Variants in MYH10 observed in about 807,000 individuals in gnomAD.
The protein encoded by MYH10 is myosin-10.
A neutral mutation model predicts 257.8 loss-of-function variants in MYH10; 55 were observed. The observed-to-expected ratio is 0.21, with a 90% CI of 0.17 to 0.27. MYH10 has a LOEUF of 0.27. Ranked by LOEUF, MYH10 falls within the 10% of genes least tolerant of loss-of-function variation. The pLI is 1.00. For missense variants in MYH10, 1,631 were observed against 2,500.6 expected, an observed-to-expected ratio of 0.65 and a Z score of 7.42; for synonymous variants, 854 against 921.7, an observed-to-expected ratio of 0.93 and a Z score of 1.33.
In MYH10 at chr17:8,490,135, G is replaced by C; in HGVS notation, c.4884+205C>G. 1.9e-6 allele frequency: 1 copy of C among 517,802 alleles called. No individual in the cohort carries two copies. Among genetic ancestry groups the C allele is most frequent in the East Asian group, 3.5e-5 (1 of 28,554 alleles). 32.1% of individuals were successfully genotyped at this position (517,802 alleles called of 1,614,324 possible). On this transcript the variant is annotated intron_variant, in intron 35 of 42. Transcript: ENST00000360416. This position sits in a 1 kb window ranked among gnomAD's most constrained non-coding sequence, Gnocchi z 4.1. The stretch of plus-strand genomic sequence containing the variant: ...AAGTGTCTGGCTTGTAGGCAGGAAT[G>C]ATACTGAGAAATAGTAAGACCTAAA...
intron 2 of MYH10, among the ~76,000 whole-genome samples, chr17:8,618,481 C>T (rs1294778777): frequency 7.2e-5 from 11 of 152,110 alleles, no homozygotes; most frequent in Admixed American, 2.0e-4. Flanking sequence ...TCTGGTGATC[C>T]GCCTGCCTTG....
chr17:8,547,429 T>C (rs1232331750), intron 11 of MYH10, among the ~76,000 whole-genome samples: 1 of 151,912 alleles, frequency 6.6e-6, no homozygotes, highest in Non-Finnish European at 1.5e-5. Flanking sequence ...TCAACAGCCC[T>C]AATAGGAGGT....
chr17:8,518,719 G>A lies in MYH10; in HGVS notation c.2416C>T (p.Leu806=). The A allele has an allele frequency of 6.2e-7, 1 of 1,614,158 alleles. No individual in the cohort carries two copies. The highest frequency in any genetic ancestry group is 1.3e-5 in the African/African-American group (1 of 75,058). The change falls in exon 21 of 43, where the codon CTG becomes TTG. Residue 806 remains leucine, a synonymous_variant. Transcript: ENST00000360416. ...QSKIFFRAGV[L]AHLEEERDLK... ...TCTCTTTCTTCCTCTAAGTGTGCCA[G>A]AACTCCAGCTCTGAAAAATATCTTG...
chr17:8,521,419 TCAGCA>T (rs2081651810), intron 17 of MYH10, 134 bp from the exon 18 acceptor site: 9 of 898,904 alleles, frequency 1.0e-5, no homozygotes, highest in Non-Finnish European at 1.5e-5. Context: ...GGTAAGGCAG[TCAGCA>T]TACTTAGGCA....
intron 1 of MYH10, among the ~76,000 whole-genome samples, chr17:8,627,378 A>G (rs2085724252): frequency 6.6e-6 from 1 of 152,152 alleles, no homozygotes; most frequent in Admixed American, 6.5e-5. Flanking sequence ...TCCACAACCA[A>G]AAAGCTATTA....
intron 17 of MYH10, among the ~76,000 whole-genome samples, chr17:8,522,638 T>C (rs1248240581): frequency 6.6e-6 from 1 of 152,164 alleles, no homozygotes; most frequent in African/African-American, 2.4e-5. Flanking sequence ...CATAAAATAC[T>C]GATCTTCCCT....
At position 8,569,167 on chromosome 17, in the gene MYH10, A is replaced by G. The variant is rs2083256979; in HGVS notation, c.756+553T>C. ...AGACCAGGAGTTGGTGGCTGCAGTG[A>G]GCTATGACTGTGCCACTGCACTCCA... On this transcript the variant is annotated intron_variant, in intron 7 of 42. Coordinates refer to ENST00000360416, the MANE Select transcript of MYH10 (RefSeq NM_001256012.3). The surrounding 1 kb of genome is among the most constrained non-coding windows in gnomAD (Gnocchi z 4.1). Among the ~76,000 whole-genome samples, 1 of 151,702 alleles carries G rather than the reference A, an allele frequency of 6.6e-6. No individual in the cohort carries two copies. The highest frequency in any genetic ancestry group is 6.6e-5 in the Admixed American group (1 of 15,226).
rs545240514 is a variant in MYH10, at chr17:8,477,846, A to AC, written c.5706+491_5706+492insG. Among the ~76,000 whole-genome samples the AC allele has an allele frequency of 8.3e-4, 127 of 152,332 alleles. No homozygotes were observed. The highest frequency in any genetic ancestry group is 3.0e-3 in the African/African-American group (123 of 41,564). ...TCAGGGCAGGCCTGACCCACAGTTC[A>AC]AAGTCCTGCGGAACATTCCCTGTGT... is the stretch of plus-strand genomic sequence containing the variant. On this transcript the variant is annotated intron_variant, in intron 41 of 42. Transcript: ENST00000360416. The surrounding 1 kb of genome is among the most constrained non-coding windows in gnomAD (Gnocchi z 4.2).
chr17:8,508,927 G>C (rs2081167776), intron 25 of MYH10, among the ~76,000 whole-genome samples: 1 of 152,138 alleles, frequency 6.6e-6, no homozygotes, highest in African/African-American at 2.4e-5. Flanking sequence ...TAACACCACA[G>C]TGCAATTACT....
chr17:8,544,721 T>C (rs1008712439), intron 13 of MYH10, among the ~76,000 whole-genome samples: 1 of 152,224 alleles, frequency 6.6e-6, no homozygotes, highest in African/African-American at 2.4e-5. Context: ...GAAATAAAGA[T>C]ATAAATTTTT....
rs779870716 is a variant in MYH10, at chr17:8,604,869, G to A, written c.459C>T (p.His153=). 17 of 1,606,208 alleles carry A rather than the reference G, an allele frequency of 1.1e-5. No homozygotes were observed. In the East Asian group the frequency reaches 3.6e-4, roughly 34 times the overall value. ...RGKKRHEMPP[H]IYAISESAYR... The stretch of plus-strand genomic sequence containing the variant: ...AAGCAGATTCAGATATAGCATAGAT[G>A]TGTGGAGGCATCTCATGACGCTTCT... Residue 153 remains histidine, a synonymous_variant, in exon 3 of 43, where the codon CAC becomes CAT. Coordinates refer to ENST00000360416, the MANE Select transcript of MYH10 (RefSeq NM_001256012.3).
At chr17:8,531,896 C>T (rs1304571321) in intron 16 of MYH10, among the ~76,000 whole-genome samples, 1 of 152,204 alleles carries the variant, frequency 6.6e-6, no homozygotes, top group Non-Finnish European at 1.5e-5. Context: ...CCTGCGATCT[C>T]TCTATCCAGA....
intron 4 of MYH10, among the ~76,000 whole-genome samples, chr17:8,585,778 A>G (rs2083896673): frequency 6.6e-6 from 1 of 152,144 alleles, no homozygotes; most frequent in Admixed American, 6.5e-5. Flanking sequence ...GGGTTATACA[A>G]GGACTTAGGA....
intron 1 of MYH10, among the ~76,000 whole-genome samples, chr17:8,626,757 A>G (rs1207561079): frequency 2.0e-5 from 3 of 152,090 alleles, no homozygotes; most frequent in Non-Finnish European, 4.4e-5. Context: ...TTCAACTATA[A>G]CAAAATATGA....
At chr17:8,579,573 CT>C (rs1267772455) in intron 4 of MYH10, among the ~76,000 whole-genome samples, 35 of 152,160 alleles carry the variant, frequency 2.3e-4, no homozygotes, top group Admixed American at 2.2e-3. Context: ...GTTTATAAGA[CT>C]ATTTCCTATG....
intron 3 of MYH10, among the ~76,000 whole-genome samples, chr17:8,603,574 G>A (rs1228786457): frequency 2.6e-5 from 4 of 152,064 alleles, no homozygotes; most frequent in African/African-American, 4.8e-5. Context: ...GAAAGAGAGC[G>A]CTTTCTTCTG....
At chr17:8,561,810 G>A (rs937590329) in intron 7 of MYH10, among the ~76,000 whole-genome samples, 1 of 152,034 alleles carries the variant, frequency 6.6e-6, no homozygotes, top group African/African-American at 2.4e-5. Context: ...TTCACACCTA[G>A]GGTCCATAGT....
At position 8,481,407 on chromosome 17, in the gene MYH10, G is replaced by T; in HGVS notation, c.5179C>A (p.Leu1727Ile). The change falls in exon 38 of 43, where the codon CTT becomes ATT. Residue 1727 changes from leucine (L) to isoleucine (I), a missense_variant. By Grantham distance (5) the Leu-to-Ile change is conservative. Coordinates refer to ENST00000360416, the MANE Select transcript of MYH10 (RefSeq NM_001256012.3). ...CGGCGGGCTCGCTCAGATGAGGCAA[G>T]TTCCTAAGCAGTGGAGACTGCGTTA... Reference protein sequence around the residue: ...EAEILQLQEELASSERARRHA... With the variant: ...EAEILQLQEEIASSERARRHA... 6.2e-7 allele frequency: 1 copy of T among 1,613,966 alleles called. No homozygotes were observed. The highest frequency in any genetic ancestry group is 1.1e-5 in the South Asian group (1 of 91,090).
chr17:8,478,195 CACCAGGA>C, intron 41 of MYH10, 136 bp downstream of exon 41: 1 of 708,356 alleles, frequency 1.4e-6, no homozygotes, highest in Non-Finnish European at 2.4e-6. Context: ...TGGGAGTGCC[CACCAGGA>C]ACATGGAACA....
Sources: gnomAD v4.1 joint callset for allele counts (sites outside exome capture counted in the v4.1 genomes callset) on GRCh38, gnomAD v4.1.1 for gene constraint, Gnocchi (gnomAD v3.1) non-coding constraint, MANE v1.5 for transcripts, NCBI Gene and HGNC (gene_info 2026-07-23, HGNC 2026-07-21) for gene names.